CXADR: variants seen among roughly 807,000 people sequenced by gnomAD.
CXADR encodes CXADR cell adhesion molecule, also known as coxsackievirus and adenovirus receptor.
In CXADR, 20 loss-of-function variants were observed where a neutral mutation model predicts 40.3. The ratio of observed to expected loss-of-function variants is 0.50; its 90% confidence interval spans 0.35 to 0.72. The LOEUF is 0.72. Ranked by LOEUF, CXADR falls within the 30% of genes least tolerant of loss-of-function variation. CXADR has a pLI of 0.01. For missense variants in CXADR, 332 were observed against 449.1 expected (o/e 0.74, Z 2.36); for synonymous variants, 150 against 161.3 (o/e 0.93, Z 0.53).
the CXADR span, among the ~76,000 whole-genome samples, chr21:17,624,059 C>T: frequency 1.3e-5 from 2 of 151,986 alleles, no homozygotes; most frequent in East Asian, 3.9e-4. Context: ...CATGCCTCTG[C>T]CCCAAACCCC....
At chr21:17,560,466 G>T (rs759797339) in intron 4 of CXADR, among the ~76,000 whole-genome samples, 8 of 152,220 alleles carry the variant, frequency 5.3e-5, no homozygotes, top group Non-Finnish European at 1.2e-4. Flanking sequence ...CCCTGCTCCA[G>T]CTGAGGCTGT....
At chr21:17,524,666 G>A (rs1488686737) in intron 1 of CXADR, among the ~76,000 whole-genome samples, 2 of 151,128 alleles carry the variant, frequency 1.3e-5, no homozygotes, top group Non-Finnish European at 2.9e-5. Context: ...AGGCTGAGGT[G>A]GGAGAATCAC....
Position 17,551,862 on chromosome 21 carries a change from G to T in CXADR, c.324G>T (p.Thr108=), listed in dbSNP as rs758306077. Residue 108 remains threonine (T), a synonymous_variant, in exon 3 of 7, where the codon ACG becomes ACT. Coordinates refer to ENST00000284878, the MANE Select transcript of CXADR (RefSeq NM_001338.5). ...CTGGTGATGCATCAATAAATGTAAC[G>T]AATTTACAACTGTCAGATATTGGCA... ...LKSGDASINV[T]NLQLSDIGTY... 1.1e-5 allele frequency: 18 copies of T among 1,613,826 alleles called. No homozygotes were observed. In the East Asian group the frequency reaches 3.8e-4, roughly 34 times the overall value.
At chr21:17,572,018 A>G (rs985498505), downstream of CXADR, among the ~76,000 whole-genome samples, 9 of 152,244 alleles carry the variant, frequency 5.9e-5, no homozygotes, top group South Asian at 1.2e-3. Context: ...ATATGTGTTC[A>G]TTAAATATGC....
chr21:17,528,289 T>G (rs1194211941), intron 1 of CXADR, among the ~76,000 whole-genome samples: 1 of 152,020 alleles, frequency 6.6e-6, no homozygotes, highest in East Asian at 1.9e-4. Context: ...TTGTCCAGGA[T>G]GGTCTCAATT....
At chr21:17,522,551 A>C (rs1020481695) in intron 1 of CXADR, among the ~76,000 whole-genome samples, 1 of 151,944 alleles carries the variant, frequency 6.6e-6, no homozygotes, top group Admixed American at 6.6e-5. Context: ...TTGCAATCTA[A>C]TTTTCATCCC....
At chr21:17,614,938 A>G in the CXADR span, among the ~76,000 whole-genome samples, 1 of 152,124 alleles carries the variant, frequency 6.6e-6, no homozygotes, top group African/African-American at 2.4e-5. Flanking sequence ...AGTTGGAATC[A>G]CAAAATCACA....
chr21:17,606,678 T>G, the CXADR span, among the ~76,000 whole-genome samples: 1 of 152,114 alleles, frequency 6.6e-6, no homozygotes, highest in East Asian at 1.9e-4. Context: ...ACATGTTTTG[T>G]ACTATTTTTT....
At chr21:17,571,043 G>A (rs1357913765), downstream of CXADR, among the ~76,000 whole-genome samples, 1 of 152,174 alleles carries the variant, frequency 6.6e-6, no homozygotes, top group African/African-American at 2.4e-5. Flanking sequence ...CCACAGTTGT[G>A]ACAATAAAAA....
chr21:17,596,176 T>C (rs1253436265), downstream of CXADR, among the ~76,000 whole-genome samples: 1 of 152,028 alleles, frequency 6.6e-6, no homozygotes, highest in African/African-American at 2.4e-5. Context: ...AAAAAAAGTA[T>C]ATTCTGGAAA....
chr21:17,513,201 C>A lies in CXADR; in HGVS notation c.43+29C>A, dbSNP rs1189086336. 6 of 1,351,296 alleles carry A rather than the reference C, an allele frequency of 4.4e-6. No homozygotes were observed. In the Admixed American group the frequency reaches 2.4e-4, roughly 54 times the overall value. The allele number at this position is 1,351,296 out of a possible 1,614,324, so 83.7% of individuals were successfully genotyped here. A position where few individuals can be genotyped will look rare whatever the true frequency, so the allele number is the denominator to read the frequency against. ...AGTAGGGGCCATGGGGTCCTCAGCA[C>A]CCGCCCAGCCCGGGGGCGCTCGCTG... On this transcript the variant is annotated intron_variant, in intron 1 of 6. Coordinates refer to ENST00000284878, the MANE Select transcript of CXADR (RefSeq NM_001338.5).
intron 1 of CXADR, among the ~76,000 whole-genome samples, chr21:17,543,628 T>G (rs149428162): frequency 9.2e-5 from 14 of 152,212 alleles, no homozygotes; most frequent in African/African-American, 2.9e-4. Context: ...CTCATATTAT[T>G]TGATGCATGA....
In CXADR at chr21:17,589,640, C is replaced by G. The variant is rs1266141300; in HGVS notation, c.1018-3512C>G. 2.6e-5 allele frequency among the ~76,000 whole-genome samples: 4 copies of G among 151,758 alleles called. No homozygotes were observed. The East Asian group carries it at 7.7e-4, about 29-fold the overall frequency. ...TACATGGTATTTTCCACAGCATTTCCTTGAACAGATGTTCAAATTTTATTA... is the reference window on the plus strand; with the variant it reads ...TACATGGTATTTTCCACAGCATTTCGTTGAACAGATGTTCAAATTTTATTA... On this transcript the variant is annotated intron_variant, in intron 7 of 7. Coordinates refer to the CXADR transcript ENST00000400169.
chr21:17,593,021 C>CA, intron 7 of CXADR: 1 of 757,480 alleles, frequency 1.3e-6, no homozygotes, highest in Non-Finnish European at 1.8e-6. Context: ...TCTGGTAAGT[C>CA]AAATAATTTA....
chr21:17,589,460 A>G (rs1482618157), intron 7 of CXADR, among the ~76,000 whole-genome samples: 1 of 152,110 alleles, frequency 6.6e-6, no homozygotes, highest in Non-Finnish European at 1.5e-5. Context: ...TTTAAAGATC[A>G]AAATGTTGAA....
intron 7 of CXADR, among the ~76,000 whole-genome samples, chr21:17,585,559 T>TACC (rs2061388985): frequency 6.6e-6 from 1 of 152,142 alleles, no homozygotes; most frequent in Non-Finnish European, 1.5e-5. Flanking sequence ...CGCTCTGTCG[T>TACC]CACGCTGGAG....
chr21:17,602,530 TATATC>T, the CXADR span, among the ~76,000 whole-genome samples: 1 of 152,244 alleles, frequency 6.6e-6, no homozygotes, highest in African/African-American at 2.4e-5. Context: ...TCTGTTAACT[TATATC>T]AACCACCTCT....
intron 7 of CXADR, among the ~76,000 whole-genome samples, chr21:17,578,427 C>T (rs1044622896): frequency 1.3e-5 from 2 of 152,100 alleles, no homozygotes; most frequent in Non-Finnish European, 2.9e-5. Context: ...CAAGTCAGCG[C>T]CCTGGGGCAC....
chr21:17,551,820 G>A lies in CXADR; in HGVS notation c.282G>A (p.Thr94=), dbSNP rs1409664986. 13 of 1,613,744 alleles carry A rather than the reference G, an allele frequency of 8.1e-6. No individual in the cohort carries two copies. Among genetic ancestry groups the A allele is most frequent in the East Asian group, 4.5e-5 (2 of 44,848 alleles). The change falls in exon 3 of 7, where the codon ACG becomes ACA. Residue 94 remains threonine (T), a synonymous_variant. Transcript: ENST00000284878. ...ATCTGAAAGGCCGAGTACATTTTACGAGTAATGATCTCAAATCTGGTGATG... is the reference window on the plus strand; with the variant it reads ...ATCTGAAAGGCCGAGTACATTTTACAAGTAATGATCTCAAATCTGGTGATG... ...YPDLKGRVHF[T]SNDLKSGDAS...
Sources: gnomAD v4.1 joint callset for allele counts (sites outside exome capture counted in the v4.1 genomes callset) on GRCh38, gnomAD v4.1.1 for gene constraint, MANE v1.5 for transcripts, NCBI Gene and HGNC (gene_info 2026-07-23, HGNC 2026-07-21) for gene names.